The following FGFR2 variants were observed in gnomAD, a reference collection of about 807,000 sequenced individuals.
FGFR2 encodes BEK fibroblast growth factor receptor.
FGFR2 carries 19 observed loss-of-function variants against 95.9 expected under a neutral mutation model. The observed-to-expected ratio is 0.20, with a 90% CI of 0.14 to 0.29. The LOEUF is 0.29. Among genes scored for constraint, FGFR2 ranks in the 10% least tolerant of loss-of-function variants. The pLI, the probability that FGFR2 is intolerant of heterozygous loss-of-function variation, is 1.00. For missense variants in FGFR2, 707 were observed against 1,056.9 expected (o/e 0.67, Z 4.59); for synonymous variants, 392 against 393.3 (o/e 1.00, Z 0.04).
At chr10:121,570,938 A>G (rs1248289082) in intron 2 of FGFR2, among the ~76,000 whole-genome samples, 1 of 152,182 alleles carries the variant, frequency 6.6e-6, no homozygotes, top group African/African-American at 2.4e-5. Flanking sequence ...ATTTTCTCCC[A>G]GAAGTTTCAA....
chr10:121,526,328 C>T (rs1851361688), intron 6 of FGFR2: 2 of 397,100 alleles, frequency 5.0e-6, no homozygotes, highest in Admixed American at 8.8e-5. Context: ...CGCACTAAAC[C>T]AGTTAGCATG....
In FGFR2 at chr10:121,564,373, C is replaced by T. The variant is rs1409490244; in HGVS notation, c.454+129G>A. On this transcript the variant is annotated intron_variant, in intron 4 of 17. Transcript: ENST00000358487. ...CAGGTTTGAAAGTCAGGAAAGTAGA[C>T]ACAGCGGGGAAAGGCAAGGGCCGCG... is the stretch of plus-strand genomic sequence containing the variant. 4 of 819,388 alleles carry T rather than the reference C, an allele frequency of 4.9e-6. No individual in the cohort carries two copies. The South Asian group carries it at 5.5e-5, about 11-fold the overall frequency. The allele number at this position is 819,388 out of a possible 1,614,324, so 50.8% of individuals were successfully genotyped here.
intron 5 of FGFR2, among the ~76,000 whole-genome samples, chr10:121,540,121 C>T (rs900810991): frequency 5.3e-5 from 8 of 152,192 alleles, no homozygotes; most frequent in Admixed American, 5.2e-4. Context: ...TCCTCCTTAA[C>T]AGAGTACAAG....
rs2133677970 is a variant in FGFR2, at chr10:121,479,858, C to T, written c.2465G>A (p.Ter822=). 4 of 1,614,154 alleles carry T rather than the reference C, an allele frequency of 2.5e-6. No homozygotes were observed. Among genetic ancestry groups the T allele is most frequent in the Non-Finnish European group, 3.4e-6 (4 of 1,180,038 alleles). Residue 822 remains the stop codon, a stop_retained_variant, in exon 18 of 18, where the codon TGA becomes TAA. Coordinates refer to ENST00000358487, the MANE Select transcript of FGFR2 (RefSeq NM_000141.5). ...TTGGGGACAGGCAGACACAGTCATT[C>T]ATGTTTTAACACTGCCGTTTATGTG... The part of the protein sequence containing the change: ...YPHINGSVKT[*]
intron 9 of FGFR2, among the ~76,000 whole-genome samples, chr10:121,512,452 G>A (rs1369325043): frequency 1.3e-5 from 2 of 152,134 alleles, no homozygotes; most frequent in African/African-American, 2.4e-5. Flanking sequence ...CTTTTCCAGG[G>A]AACTGGTATT....
At chr10:121,519,906 A>G in intron 7 of FGFR2, 73 bp downstream of exon 7, 1 of 1,444,872 alleles carries the variant, frequency 6.9e-7, no homozygotes, top group Non-Finnish European at 9.7e-7. Flanking sequence ...CCAACAGGAA[A>G]TCAAAGAACC....
intron 1 of FGFR2, among the ~76,000 whole-genome samples, chr10:121,597,729 T>A (rs1863673150): frequency 6.6e-6 from 1 of 152,178 alleles, no homozygotes; most frequent in South Asian, 2.1e-4. Context: ...GAAGCAGATG[T>A]CAGCATCTGG....
At chr10:121,571,665 C>T (rs1028073235) in intron 2 of FGFR2, among the ~76,000 whole-genome samples, 1 of 151,846 alleles carries the variant, frequency 6.6e-6, no homozygotes, top group Non-Finnish European at 1.5e-5. Flanking sequence ...AACGACTGGC[C>T]GGGCGCGGTG....
intron 5 of FGFR2, among the ~76,000 whole-genome samples, chr10:121,550,416 G>C (rs778523395): frequency 6.6e-6 from 1 of 152,180 alleles, no homozygotes; most frequent in Non-Finnish European, 1.5e-5. Context: ...ATGAACAAAG[G>C]CTAGAGGAGC....
chr10:121,560,638 A>AC (rs1168744398), intron 4 of FGFR2, among the ~76,000 whole-genome samples: 1 of 150,228 alleles, frequency 6.7e-6, no homozygotes, highest in Non-Finnish European at 1.5e-5. Context: ...AAAAAAAAAA[A>AC]AAAGAGGCGA....
chr10:121,485,618 C>G lies in FGFR2; in HGVS notation c.2058-86G>C, dbSNP rs1355053381. On this transcript the variant is annotated intron_variant, in intron 15 of 17. Transcript: ENST00000358487. The surrounding 1 kb of genome is among the most constrained non-coding windows in gnomAD (Gnocchi z 4.2). ...CGCCCAGCTGAGACATAAACACCTC[C>G]TCACTTCTGAAGTTCAAAGACAAAT... The G allele has an allele frequency of 4.4e-6, 7 of 1,581,082 alleles. No homozygotes were observed. Among genetic ancestry groups the G allele is most frequent in the Non-Finnish European group, 6.1e-6 (7 of 1,155,134 alleles).
rs41302299 is a variant in FGFR2 at position 121,565,288 on chromosome 10, T to C, written c.376+150A>G. The C allele has an allele frequency of 3.3e-5, 31 of 925,922 alleles. No homozygotes were observed. The East Asian group carries it at 7.4e-4, about 22-fold the overall frequency. 57.4% of individuals were successfully genotyped at this position (925,922 alleles called of 1,614,324 possible). A position where few individuals can be genotyped will look rare whatever the true frequency, so the allele number is the denominator to read the frequency against. ...CATTCTTAATGATCGGCCTTTCTGGTGCACCAGGTCCCAAAGAAGAATTTC... is the reference window on the plus strand; with the variant it reads ...CATTCTTAATGATCGGCCTTTCTGGCGCACCAGGTCCCAAAGAAGAATTTC... On this transcript the variant is annotated intron_variant, in intron 3 of 17. Transcript: ENST00000358487.
Position 121,517,779 on chromosome 10 carries a change from A to G in FGFR2, c.940-316T>C, listed in dbSNP as rs2134267544. On this transcript the variant is annotated intron_variant, in intron 7 of 17. Transcript: ENST00000358487. The surrounding 1 kb of genome is among the most constrained non-coding windows in gnomAD (Gnocchi z 4.7). ...TTGCATTTAGGGGTGGTTTTCCAAA[A>G]GTATGGTGCCCAGAAGGCCAAGCTG... is the stretch of plus-strand genomic sequence containing the variant. 6.6e-6 allele frequency among the ~76,000 whole-genome samples: 1 copy of G among 152,106 alleles called. No homozygotes were observed. Among genetic ancestry groups the G allele is most frequent in the South Asian group, 2.1e-4 (1 of 4,794 alleles).
At chr10:121,528,599 G>A (rs1851689584) in intron 6 of FGFR2, among the ~76,000 whole-genome samples, 1 of 152,160 alleles carries the variant, frequency 6.6e-6, no homozygotes, top group Non-Finnish European at 1.5e-5. Context: ...AAAGCTTTCA[G>A]CCCATCTGAG....
At chr10:121,532,697 T>C (rs1434049274) in intron 6 of FGFR2, among the ~76,000 whole-genome samples, 3 of 152,164 alleles carry the variant, frequency 2.0e-5, no homozygotes, top group African/African-American at 7.2e-5. Flanking sequence ...ATTTCAGCCA[T>C]TCCTCCTTCT....
At chr10:121,544,339 G>A (rs1854191365) in intron 5 of FGFR2, among the ~76,000 whole-genome samples, 1 of 151,910 alleles carries the variant, frequency 6.6e-6, no homozygotes, top group Non-Finnish European at 1.5e-5. Flanking sequence ...CCATACTCAG[G>A]AGGCTGAGGC....
At chr10:121,576,719 T>A (rs1210757085) in intron 2 of FGFR2, among the ~76,000 whole-genome samples, 5 of 152,054 alleles carry the variant, frequency 3.3e-5, no homozygotes, top group African/African-American at 4.8e-5. Context: ...TACAAAGTAG[T>A]AAAGCACCTG....
At chr10:121,501,389 C>A (rs1279257560) in intron 10 of FGFR2, among the ~76,000 whole-genome samples, 1 of 152,204 alleles carries the variant, frequency 6.6e-6, no homozygotes, top group East Asian at 1.9e-4. Flanking sequence ...TGGTCACATT[C>A]CTTGCCAAGT....
At chr10:121,574,160 G>T (rs1458557878) in intron 2 of FGFR2, among the ~76,000 whole-genome samples, 1 of 152,098 alleles carries the variant, frequency 6.6e-6, no homozygotes, top group Admixed American at 6.6e-5. Flanking sequence ...AGGGTTTCTG[G>T]AAGAGCCCAG....
Sources: allele counts gnomAD v4.1 joint callset (sites outside exome capture counted in the v4.1 genomes callset), GRCh38; gene constraint gnomAD v4.1.1; non-coding constraint Gnocchi (gnomAD v3.1); transcripts MANE v1.5; gene names NCBI Gene and HGNC (gene_info 2026-07-23, HGNC 2026-07-21).